KIRREL3: variants seen among roughly 807,000 people sequenced by gnomAD.
The protein encoded by KIRREL3 is kin of IRRE-like protein 3.
Under a neutral mutation model 89.7 loss-of-function variants are expected in KIRREL3, and 36 were observed. The observed-to-expected ratio is 0.40, with a 90% CI of 0.31 to 0.53. KIRREL3 has a LOEUF of 0.53. KIRREL3 is among the 20% of genes least tolerant of loss of function. The pLI is 0.49. For missense variants in KIRREL3, 864 were observed against 1,056.6 expected, an observed-to-expected ratio of 0.82 and a Z score of 2.53; for synonymous variants, 445 against 441.4, an observed-to-expected ratio of 1.01 and a Z score of -0.10.
intron 1 of KIRREL3, among the ~76,000 whole-genome samples, chr11:126,716,895 A>G (rs1264664783): frequency 1.3e-5 from 2 of 151,560 alleles, no homozygotes; most frequent in African/African-American, 4.9e-5. Context: ...TTGGCTGCTG[A>G]CTCATTTGCC....
At chr11:126,853,210 C>T (rs992050995) in intron 1 of KIRREL3, among the ~76,000 whole-genome samples, 1 of 152,068 alleles carries the variant, frequency 6.6e-6, no homozygotes, top group Non-Finnish European at 1.5e-5. Flanking sequence ...TCTCTCAATC[C>T]TTCTACTAGC....
At chr11:126,737,673 A>AT (rs1948850527) in intron 1 of KIRREL3, among the ~76,000 whole-genome samples, 1 of 152,152 alleles carries the variant, frequency 6.6e-6, no homozygotes, top group Non-Finnish European at 1.5e-5. Context: ...AGAGGGGGGC[A>AT]TTTTTAGACA....
chr11:126,906,815 C>T lies in KIRREL3; in HGVS notation c.55+93640G>A, dbSNP rs533911267. Among the ~76,000 whole-genome samples, 7 of 152,330 alleles carry T rather than the reference C, an allele frequency of 4.6e-5. No individual in the cohort carries two copies. The East Asian group carries it at 1.4e-3, about 29-fold the overall frequency. ...CTTCTTCCTGGGACGTCTGCTCTGCCTCCTGAAAGGATGGCTTTGCCTTTC... is the reference window on the plus strand; with the variant it reads ...CTTCTTCCTGGGACGTCTGCTCTGCTTCCTGAAAGGATGGCTTTGCCTTTC... On this transcript the variant is annotated intron_variant, in intron 1 of 16. Transcript: ENST00000525144. The surrounding 1 kb of genome is among the most constrained non-coding windows in gnomAD (Gnocchi z 4.1).
rs1305712418 is a variant in KIRREL3, at chr11:126,431,829, G to C, written c.1589-303C>G. Reference sequence around the variant, plus strand: ...ACGGAGAAGGGAGGGCCAGGGGACAGGAAGACCGGAGATGAGGGGTGGGGC... The same window carrying C: ...ACGGAGAAGGGAGGGCCAGGGGACACGAAGACCGGAGATGAGGGGTGGGGC... On this transcript the variant is annotated intron_variant, in intron 13 of 16. Coordinates refer to ENST00000525144, the MANE Select transcript of KIRREL3 (RefSeq NM_032531.4). This position sits in a 1 kb window ranked among gnomAD's most constrained non-coding sequence, Gnocchi z 7.1. 3.3e-5 allele frequency among the ~76,000 whole-genome samples: 5 copies of C among 152,150 alleles called. No homozygotes were observed. Among genetic ancestry groups the C allele is most frequent in the Non-Finnish European group, 5.9e-5 (4 of 68,016 alleles).
rs139614794 is a variant in KIRREL3, at chr11:126,664,589, T to C, written c.56-101677A>G. On this transcript the variant is annotated intron_variant, in intron 1 of 16. Transcript: ENST00000525144. The surrounding 1 kb of genome is among the most constrained non-coding windows in gnomAD (Gnocchi z 5.4). ...GGCCTCACCTCTTGAGGATCATTTC[T>C]ACAGCAGAGCTGCCCAGAGGATCAC... 3.7e-3 allele frequency among the ~76,000 whole-genome samples: 561 copies of C among 152,346 alleles called. 4 individuals carry two copies. The highest frequency in any genetic ancestry group is 4.5e-3 in the Non-Finnish European group (303 of 68,032).
rs192564030 is a variant in KIRREL3 at position 126,711,268 on chromosome 11, A to G, written c.56-148356T>C. ...CGAGCACATAACCGCCTAAGTTTAA[A>G]GAGAATTCTGGATATAATTTATTAT... On this transcript the variant is annotated intron_variant, in intron 1 of 16. Transcript: ENST00000525144. Among the ~76,000 whole-genome samples the G allele has an allele frequency of 2.8e-3, 423 of 152,346 alleles. 2 individuals carry two copies. Among genetic ancestry groups the G allele is most frequent in the Admixed American group, 6.3e-3 (96 of 15,308 alleles).
chr11:126,833,261 G>T (rs2134495308), intron 1 of KIRREL3, among the ~76,000 whole-genome samples: 1 of 152,314 alleles, frequency 6.6e-6, no homozygotes, highest in Non-Finnish European at 1.5e-5. Flanking sequence ...CAGAGCTAAT[G>T]AGCCCTTAGA....
intron 1 of KIRREL3, among the ~76,000 whole-genome samples, chr11:126,720,511 A>G (rs1016872249): frequency 1.3e-5 from 2 of 152,246 alleles, no homozygotes; most frequent in East Asian, 3.8e-4. Flanking sequence ...GGGTGTATCT[A>G]AGGAAATAAA....
At chr11:126,695,882 A>G (rs758446640) in intron 1 of KIRREL3, among the ~76,000 whole-genome samples, 1 of 152,152 alleles carries the variant, frequency 6.6e-6, no homozygotes, top group African/African-American at 2.4e-5. Flanking sequence ...TTTGGTGGGG[A>G]AAGAGTTGGG....
At chr11:126,846,476 G>T (rs1448739703) in intron 1 of KIRREL3, among the ~76,000 whole-genome samples, 5 of 152,182 alleles carry the variant, frequency 3.3e-5, no homozygotes, top group African/African-American at 1.2e-4. Context: ...CATGACTTCA[G>T]TAATCTTTGG....
In KIRREL3 at chr11:126,771,819, A is replaced by T. The variant is rs193080200; in HGVS notation, c.56-208907T>A. Among the ~76,000 whole-genome samples, 109 of 152,366 alleles carry T rather than the reference A, an allele frequency of 7.2e-4. 2 individuals are homozygous for T. The highest frequency in any genetic ancestry group is 2.4e-3 in the African/African-American group (98 of 41,598). Reference sequence around the variant, plus strand: ...TTGGCACTGGCTAATCCAGGTAGGCATGAATGGTATCTTGCAGACATCTAC... The same window carrying T: ...TTGGCACTGGCTAATCCAGGTAGGCTTGAATGGTATCTTGCAGACATCTAC... On this transcript the variant is annotated intron_variant, in intron 1 of 16. Transcript: ENST00000525144. This position sits in a 1 kb window ranked among gnomAD's most constrained non-coding sequence, Gnocchi z 4.4.
At position 126,622,559 on chromosome 11, in the gene KIRREL3, T is replaced by G; in HGVS notation, c.56-59647A>C. Among the ~76,000 whole-genome samples, 1 of 152,134 alleles carries G rather than the reference T, an allele frequency of 6.6e-6. No individual in the cohort carries two copies. The highest frequency in any genetic ancestry group is 1.9e-4 in the East Asian group (1 of 5,192). ...CAAAAGTTAGCCAGGTATGGTGGCATGTGCCTGTAATCCCAGCTACTCAGG... is the reference window on the plus strand; with the variant it reads ...CAAAAGTTAGCCAGGTATGGTGGCAGGTGCCTGTAATCCCAGCTACTCAGG... On this transcript the variant is annotated intron_variant, in intron 1 of 16. Transcript: ENST00000525144. This position sits in a 1 kb window ranked among gnomAD's most constrained non-coding sequence, Gnocchi z 5.2.
At chr11:126,604,449 T>G (rs1375820067) in intron 1 of KIRREL3, among the ~76,000 whole-genome samples, 3 of 152,238 alleles carry the variant, frequency 2.0e-5, no homozygotes, top group Non-Finnish European at 4.4e-5. Flanking sequence ...CAAGATAATG[T>G]GTATACCATA....
chr11:126,659,728 T>G (rs1054511103), intron 1 of KIRREL3, among the ~76,000 whole-genome samples: 9 of 152,236 alleles, frequency 5.9e-5, no homozygotes, highest in African/African-American at 2.2e-4. Context: ...TTCCACGGGC[T>G]GATGTGCTTG....
intron 1 of KIRREL3, among the ~76,000 whole-genome samples, chr11:126,933,005 A>G (rs1351405073): frequency 2.0e-5 from 3 of 152,224 alleles, no homozygotes; most frequent in Non-Finnish European, 2.9e-5. Flanking sequence ...GCAGTTGCAG[A>G]TAAGCATGTA....
chr11:126,649,328 C>T (rs192115572), intron 1 of KIRREL3, among the ~76,000 whole-genome samples: 2 of 152,212 alleles, frequency 1.3e-5, no homozygotes, highest in East Asian at 3.9e-4. Context: ...CCCTCAGTCC[C>T]CCAAATTCTT....
chr11:126,487,320 G>A (rs1957392656), intron 4 of KIRREL3, among the ~76,000 whole-genome samples: 1 of 152,146 alleles, frequency 6.6e-6, no homozygotes, highest in Admixed American at 6.5e-5. Context: ...GGCGGGGCGT[G>A]GGGTGCAAGT....
intron 1 of KIRREL3, among the ~76,000 whole-genome samples, chr11:126,833,201 G>A (rs929657519): frequency 5.9e-5 from 9 of 152,206 alleles, no homozygotes; most frequent in African/African-American, 1.9e-4. Flanking sequence ...AAGCAAGCTT[G>A]CTCTAATGGG....
At position 126,897,302 on chromosome 11, in the gene KIRREL3, G is replaced by A. The variant is rs1946204489; in HGVS notation, c.55+103153C>T. 6.6e-6 allele frequency among the ~76,000 whole-genome samples: 1 copy of A among 152,118 alleles called. No individual in the cohort carries two copies. The highest frequency in any genetic ancestry group is 1.5e-5 in the Non-Finnish European group (1 of 68,016). ...GATCAGTCCTGGAATGTCCAGGACT[G>A]AGGGGACAGTCATGAGGGGGAGATG... On this transcript the variant is annotated intron_variant, in intron 1 of 16. Transcript: ENST00000525144. The surrounding 1 kb of genome is among the most constrained non-coding windows in gnomAD (Gnocchi z 4.2).
Sources: gnomAD v4.1 joint callset for allele counts (sites outside exome capture counted in the v4.1 genomes callset) on GRCh38, gnomAD v4.1.1 for gene constraint, Gnocchi (gnomAD v3.1) non-coding constraint, MANE v1.5 for transcripts, NCBI Gene and HGNC (gene_info 2026-07-23, HGNC 2026-07-21) for gene names.